RBPJ: variants seen among roughly 807,000 people sequenced by gnomAD.
The protein encoded by RBPJ is recombining binding protein suppressor of hairless.
A neutral mutation model predicts 67.8 loss-of-function variants in RBPJ; 9 were observed. The observed-to-expected ratio is 0.13, with a 90% CI of 0.08 to 0.23. The LOEUF is 0.23. Ranked by LOEUF, RBPJ falls within the 10% of genes least tolerant of loss-of-function variation. The pLI is 1.00. For missense variants in RBPJ, 305 were observed against 595.6 expected (o/e 0.51, Z 5.08); for synonymous variants, 198 against 203.3 (o/e 0.97, Z 0.22).
intron 1 of RBPJ, among the ~76,000 whole-genome samples, chr4:26,300,534 A>G (rs746034368): frequency 2.6e-5 from 4 of 152,246 alleles, no homozygotes; most frequent in Non-Finnish European, 5.9e-5. Context: ...GGAATGTACT[A>G]CTAAGCAAAA....
intron 1 of RBPJ, among the ~76,000 whole-genome samples, chr4:26,370,090 G>C (rs187568805): frequency 1.3e-5 from 2 of 152,306 alleles, no homozygotes; most frequent in Admixed American, 1.3e-4. Context: ...TGTCCAAAAA[G>C]GAGAGAGCTG....
At chr4:26,162,040 C>G (rs1716093720), upstream of RBPJ, among the ~76,000 whole-genome samples, 1 of 152,170 alleles carries the variant, frequency 6.6e-6, no homozygotes, top group South Asian at 2.1e-4. Flanking sequence ...AGTGAGTGAA[C>G]AAAAGATAAA....
upstream of RBPJ, among the ~76,000 whole-genome samples, chr4:26,162,178 A>G (rs897566771): frequency 2.0e-5 from 3 of 152,366 alleles, no homozygotes; most frequent in Admixed American, 6.5e-5. Flanking sequence ...CACAGGACAG[A>G]GAAACTCAAG....
chr4:26,190,363 G>T (rs1350944878), intron 1 of RBPJ, among the ~76,000 whole-genome samples: 1 of 152,194 alleles, frequency 6.6e-6, no homozygotes, highest in Non-Finnish European at 1.5e-5. Context: ...GGGAAAGGCA[G>T]GTCCTAGACA....
chr4:26,151,152 C>T, the RBPJ span, among the ~76,000 whole-genome samples: 1 of 152,138 alleles, frequency 6.6e-6, no homozygotes, highest in Non-Finnish European at 1.5e-5. Context: ...GCCCACCTGG[C>T]CTTTGATCCC....
At chr4:26,137,845 G>C in the RBPJ span, among the ~76,000 whole-genome samples, 1 of 152,214 alleles carries the variant, frequency 6.6e-6, no homozygotes, top group African/African-American at 2.4e-5. Flanking sequence ...TCTCAGGAAT[G>C]CATATTGACT....
chr4:26,285,677 T>TTA (rs1401108448), intron 1 of RBPJ, among the ~76,000 whole-genome samples: 1 of 89,438 alleles, frequency 1.1e-5, no homozygotes, highest in East Asian at 3.0e-4. Context: ...TACTGATACG[T>TTA]TAAAAAAAAA....
intron 1 of RBPJ, among the ~76,000 whole-genome samples, chr4:26,310,475 A>G (rs1722391701): frequency 6.6e-6 from 1 of 152,226 alleles, no homozygotes; most frequent in African/African-American, 2.4e-5. Flanking sequence ...TCTGATAACA[A>G]GAAACCTTGC....
upstream of RBPJ, among the ~76,000 whole-genome samples, chr4:26,320,100 G>C (rs1463320343): frequency 1.3e-5 from 2 of 152,210 alleles, no homozygotes; most frequent in African/African-American, 4.8e-5. Flanking sequence ...TGGTGGCTGC[G>C]ATGGGGTCTT....
intron 1 of RBPJ, among the ~76,000 whole-genome samples, chr4:26,308,565 C>T (rs991460227): frequency 6.6e-6 from 1 of 152,170 alleles, no homozygotes; most frequent in Admixed American, 6.5e-5. Context: ...AGACAATGTA[C>T]AACTTTGCTT....
intron 1 of RBPJ, among the ~76,000 whole-genome samples, chr4:26,364,598 CT>C (rs10939108): frequency 0.57 from 71,083 of 125,198 alleles, 18,900 homozygotes; most frequent in Middle Eastern, 0.65. Flanking sequence ...ATTTGGAAGA[CT>C]TTTTTTTTTT....
At chr4:26,205,423 T>C (rs1431050875) in intron 1 of RBPJ, among the ~76,000 whole-genome samples, 1 of 152,092 alleles carries the variant, frequency 6.6e-6, no homozygotes, top group Non-Finnish European at 1.5e-5. Context: ...CTTTTTAGCT[T>C]TTCTTATTGC....
intron 1 of RBPJ, among the ~76,000 whole-genome samples, chr4:26,255,016 G>A (rs1413080891): frequency 1.4e-5 from 2 of 142,268 alleles, no homozygotes; most frequent in Non-Finnish European, 3.0e-5. Flanking sequence ...TGTTTAAAAT[G>A]TTAAACATGC....
intron 3 of RBPJ, 113 bp from the exon 4 acceptor site, chr4:26,415,362 A>G (rs1734460734): frequency 2.2e-6 from 2 of 907,692 alleles, no homozygotes; most frequent in Admixed American, 3.3e-5. Context: ...TCATTGGGGA[A>G]TAGGTGCATT....
At chr4:26,216,677 G>T (rs756939155) in intron 1 of RBPJ, among the ~76,000 whole-genome samples, 1 of 152,150 alleles carries the variant, frequency 6.6e-6, no homozygotes, top group Non-Finnish European at 1.5e-5. Context: ...CATTTTGGGA[G>T]GCTGAGGCTG....
chr4:26,424,608 A>G lies in RBPJ; in HGVS notation c.635-23A>G. ...ATAAATTTAAAAAGATGACAATTTG[A>G]TTTATTTTTCCACCTACTGCAGTGG... On this transcript the variant is annotated intron_variant, in intron 6 of 10. Transcript: ENST00000355476. The surrounding 1 kb of genome is among the most constrained non-coding windows in gnomAD (Gnocchi z 5.3). The G allele has an allele frequency of 1.3e-6, 2 of 1,576,056 alleles. No homozygotes were observed. Among genetic ancestry groups the G allele is most frequent in the Non-Finnish European group, 1.7e-6 (2 of 1,152,538 alleles).
intron 1 of RBPJ, among the ~76,000 whole-genome samples, chr4:26,373,751 G>C (rs776578055): frequency 2.0e-5 from 3 of 152,128 alleles, no homozygotes; most frequent in Non-Finnish European, 2.9e-5. Context: ...TAGTGCTCTT[G>C]TGCAGGAAAA....
intron 1 of RBPJ, among the ~76,000 whole-genome samples, chr4:26,201,242 T>A (rs929832395): frequency 6.6e-6 from 1 of 152,240 alleles, no homozygotes; most frequent in Non-Finnish European, 1.5e-5. Flanking sequence ...CTCTGGGATC[T>A]GTCCTCCTGG....
At position 26,277,990 on chromosome 4, in the gene RBPJ, T is replaced by A. The variant is rs572592760; in HGVS notation, c.-166-84456T>A. 3.2e-4 allele frequency among the ~76,000 whole-genome samples: 48 copies of A among 152,338 alleles called. No homozygotes were observed. The South Asian group carries it at 9.7e-3, about 31-fold the overall frequency. ...GTATATGTGTGTGTTTGTGTGTGTG[T>A]CTTGCCTTCTAAGCTAGCTCCTTTG... is the stretch of plus-strand genomic sequence containing the variant. On this transcript the variant is annotated intron_variant, in intron 1 of 4. Coordinates refer to the RBPJ transcript ENST00000512351.
Sources: allele counts gnomAD v4.1 joint callset (sites outside exome capture counted in the v4.1 genomes callset), GRCh38; gene constraint gnomAD v4.1.1; non-coding constraint Gnocchi (gnomAD v3.1); transcripts MANE v1.5; gene names NCBI Gene and HGNC (gene_info 2026-07-23, HGNC 2026-07-21).